The following THSD7A variants were observed in gnomAD, a reference collection of about 807,000 sequenced individuals.
The protein encoded by THSD7A is thrombospondin type-1 domain-containing protein 7A.
Under a neutral mutation model 231.3 loss-of-function variants are expected in THSD7A, and 96 were observed. The observed-to-expected ratio is 0.41, with a 90% CI of 0.35 to 0.49. The LOEUF is 0.49. THSD7A is among the 20% of genes least tolerant of loss of function. THSD7A has a pLI of 0.05. For missense variants in THSD7A, 2,290 were observed against 2,070.2 expected, an observed-to-expected ratio of 1.11 and a Z score of -2.06; for synonymous variants, 940 against 743.3, an observed-to-expected ratio of 1.26 and a Z score of -4.30.
intron 17 of THSD7A, among the ~76,000 whole-genome samples, chr7:11,416,926 T>C (rs1562593364): frequency 6.6e-6 from 1 of 152,208 alleles, no homozygotes; most frequent in Non-Finnish European, 1.5e-5. Context: ...GAGAGATTCA[T>C]TGGTGCACAG....
At chr7:11,592,005 G>T (rs369596262) in intron 3 of THSD7A, among the ~76,000 whole-genome samples, 4 of 152,196 alleles carry the variant, frequency 2.6e-5, no homozygotes, top group African/African-American at 9.7e-5. Context: ...TGTTAATTGT[G>T]TTTGAATATC....
intron 7 of THSD7A, among the ~76,000 whole-genome samples, chr7:11,480,381 G>A (rs912784885): frequency 1.3e-5 from 2 of 152,140 alleles, no homozygotes; most frequent in Admixed American, 6.6e-5. Flanking sequence ...CACAGCAAGT[G>A]TCTGCAGAGT....
At chr7:11,418,095 C>CT (rs1443456034) in intron 16 of THSD7A, among the ~76,000 whole-genome samples, 3 of 152,150 alleles carry the variant, frequency 2.0e-5, no homozygotes, top group African/African-American at 7.2e-5. Context: ...ACTGAAATCT[C>CT]TAAGTGGGAG....
chr7:11,428,231 G>A (rs910927979), intron 14 of THSD7A, among the ~76,000 whole-genome samples: 1 of 152,058 alleles, frequency 6.6e-6, no homozygotes, highest in Non-Finnish European at 1.5e-5. Context: ...ATTATTCTTT[G>A]CTAATTCACT....
chr7:11,672,749 G>C (rs1434789393), intron 1 of THSD7A, among the ~76,000 whole-genome samples: 1 of 152,070 alleles, frequency 6.6e-6, no homozygotes, highest in East Asian at 1.9e-4. Context: ...GCTGGAACTG[G>C]AGGCATAAGG....
chr7:11,544,805 C>G (rs990211034), intron 4 of THSD7A, among the ~76,000 whole-genome samples: 4 of 148,770 alleles, frequency 2.7e-5, no homozygotes, highest in African/African-American at 7.5e-5. Flanking sequence ...ACATCTCCCC[C>G]GCCTCCCCAC....
chr7:11,501,065 A>C (rs1245445828), intron 6 of THSD7A, among the ~76,000 whole-genome samples: 1 of 152,118 alleles, frequency 6.6e-6, no homozygotes. Flanking sequence ...GTTTCAATTC[A>C]ATGAGAAGAC....
At chr7:11,565,416 T>A (rs1341231205) in intron 4 of THSD7A, among the ~76,000 whole-genome samples, 1 of 152,142 alleles carries the variant, frequency 6.6e-6, no homozygotes, top group Non-Finnish European at 1.5e-5. Context: ...ACAGCCAGAC[T>A]TCAGATTTAA....
intron 4 of THSD7A, among the ~76,000 whole-genome samples, chr7:11,569,831 T>G (rs899378474): frequency 5.3e-5 from 8 of 152,206 alleles, no homozygotes; most frequent in African/African-American, 1.7e-4. Flanking sequence ...CACAATGGTA[T>G]ACTATTCATC....
Position 11,379,178 on chromosome 7 carries a change from C to T in THSD7A, c.4693G>A (p.Glu1565Lys), listed in dbSNP as rs748966853. 1.2e-6 allele frequency: 2 copies of T among 1,613,672 alleles called. No individual in the cohort carries two copies. Among genetic ancestry groups the T allele is most frequent in the African/African-American group, 1.3e-5 (1 of 75,004 alleles). The change falls in exon 26 of 28, where the codon GAG becomes AAG. Residue 1565 changes from glutamate (E) to lysine (K), a missense_variant. Glu to Lys is a moderately conservative substitution (Grantham distance 56, BLOSUM62 1). Coordinates refer to ENST00000423059, the MANE Select transcript of THSD7A (RefSeq NM_015204.3). ...GTTTTCACATCTCCTCTTTTGTCCTCCATGGTGGGTAATACCACCACGGGG... is the reference window on the plus strand; with the variant it reads ...GTTTTCACATCTCCTCTTTTGTCCTTCATGGTGGGTAATACCACCACGGGG... ...LIPVVVLPTMEDKRGDVKTSR... is the reference protein window; with the variant it reads ...LIPVVVLPTMKDKRGDVKTSR...
intron 1 of THSD7A, among the ~76,000 whole-genome samples, chr7:11,740,567 G>A (rs1038504874): frequency 4.0e-5 from 6 of 151,886 alleles, no homozygotes; most frequent in Non-Finnish European, 8.8e-5. Context: ...GCTGGACACA[G>A]GTGTTCCCCT....
At chr7:11,671,057 T>C (rs1203124196) in intron 1 of THSD7A, among the ~76,000 whole-genome samples, 1 of 152,148 alleles carries the variant, frequency 6.6e-6, no homozygotes, top group Non-Finnish European at 1.5e-5. Flanking sequence ...TGGAGGCTAA[T>C]AGTAGATAAT....
chr7:11,715,928 A>C (rs1781119916), intron 1 of THSD7A, among the ~76,000 whole-genome samples: 1 of 151,554 alleles, frequency 6.6e-6, no homozygotes, highest in South Asian at 2.1e-4. Context: ...CAACATTTTC[A>C]TTAAGGTACG....
At chr7:11,488,752 C>A (rs1786767160) in intron 6 of THSD7A, among the ~76,000 whole-genome samples, 1 of 152,106 alleles carries the variant, frequency 6.6e-6, no homozygotes, top group Non-Finnish European at 1.5e-5. Flanking sequence ...TGAAAACCAA[C>A]TTCCTCACTA....
chr7:11,436,562 T>C (rs1784639211), intron 13 of THSD7A, among the ~76,000 whole-genome samples: 1 of 152,052 alleles, frequency 6.6e-6, no homozygotes, highest in African/African-American at 2.4e-5. Context: ...ACTGACTGAC[T>C]TTTTCACATA....
rs187638664 is a variant in THSD7A at position 11,618,139 on chromosome 7, A to G, written c.1022+17991T>C. The stretch of plus-strand genomic sequence containing the variant: ...TTCATATGGACACTTATATGTGGCT[A>G]TTTATTGTGGGCTTGATCATGGTAA... On this transcript the variant is annotated intron_variant, in intron 2 of 27. Coordinates refer to ENST00000423059, the MANE Select transcript of THSD7A (RefSeq NM_015204.3). 2.1e-3 allele frequency among the ~76,000 whole-genome samples: 319 copies of G among 152,314 alleles called. 6 individuals are homozygous for G. Among genetic ancestry groups the G allele is most frequent in the Admixed American group, 0.017 (257 of 15,294 alleles).
chr7:11,571,169 A>G (rs961491681), intron 4 of THSD7A, among the ~76,000 whole-genome samples: 7 of 152,166 alleles, frequency 4.6e-5, no homozygotes, highest in African/African-American at 1.7e-4. Context: ...CACAAATATG[A>G]GAAGGGAAGC....
intron 1 of THSD7A, among the ~76,000 whole-genome samples, chr7:11,785,817 C>G (rs1783771126): frequency 6.6e-6 from 1 of 152,110 alleles, no homozygotes; most frequent in East Asian, 1.9e-4. Flanking sequence ...CTGTTGCTAT[C>G]AGTTTGCTAA....
chr7:11,427,597 C>T (rs550105508), intron 14 of THSD7A, among the ~76,000 whole-genome samples: 9 of 152,124 alleles, frequency 5.9e-5, no homozygotes, highest in African/African-American at 1.9e-4. Flanking sequence ...TACACATACA[C>T]GCTAAAGTGA....
Sources: gnomAD v4.1 joint callset for allele counts (sites outside exome capture counted in the v4.1 genomes callset) on GRCh38, gnomAD v4.1.1 for gene constraint, MANE v1.5 for transcripts, NCBI Gene and HGNC (gene_info 2026-07-23, HGNC 2026-07-21) for gene names.